EXOC6B: variants seen among roughly 807,000 people sequenced by gnomAD.
EXOC6B encodes the protein SEC15 homolog B.
In EXOC6B, 54 loss-of-function variants were observed where a neutral mutation model predicts 113.5. The observed-to-expected ratio is 0.48, with a 90% CI of 0.38 to 0.60. EXOC6B has a LOEUF of 0.60. Ranked by LOEUF, EXOC6B falls within the 20% of genes least tolerant of loss-of-function variation. The pLI is 0.00. For missense variants in EXOC6B, 797 were observed against 977.5 expected, an observed-to-expected ratio of 0.82 and a Z score of 2.46; for synonymous variants, 357 against 339.0, an observed-to-expected ratio of 1.05 and a Z score of -0.58.
intron 1 of EXOC6B, among the ~76,000 whole-genome samples, chr2:72,742,979 C>T (rs181783121): frequency 7.3e-4 from 111 of 152,222 alleles, no homozygotes; most frequent in African/African-American, 2.6e-3. Flanking sequence ...CACTCCCATA[C>T]CTGTTCCTCC....
At chr2:72,581,959 A>C (rs1016052113) in intron 6 of EXOC6B, among the ~76,000 whole-genome samples, 4 of 152,140 alleles carry the variant, frequency 2.6e-5, no homozygotes, top group Non-Finnish European at 4.4e-5. Flanking sequence ...GCTTCTCCCA[A>C]TAAACAAGGG....
In EXOC6B at chr2:72,812,301, T is replaced by A. The variant is rs567648157; in HGVS notation, c.113+13497A>T. Among the ~76,000 whole-genome samples the A allele has an allele frequency of 2.6e-5, 4 of 152,060 alleles. No individual in the cohort carries two copies. The East Asian group carries it at 7.7e-4, about 29-fold the overall frequency. On this transcript the variant is annotated intron_variant, in intron 1 of 21. Transcript: ENST00000272427. ...TTTAAAATCACTTAAAAAAAGAAAA[T>A]GAATTACTTGCAGATAAATCTAACA...
At chr2:72,671,733 A>AAG (rs1053433924) in intron 6 of EXOC6B, among the ~76,000 whole-genome samples, 1 of 146,148 alleles carries the variant, frequency 6.8e-6, no homozygotes, top group African/African-American at 2.6e-5. Context: ...GAAAGGAAGA[A>AAG]AGAGAGAGAG....
chr2:72,740,908 C>T (rs1202363914), intron 2 of EXOC6B, among the ~76,000 whole-genome samples: 1 of 152,160 alleles, frequency 6.6e-6, no homozygotes, highest in East Asian at 1.9e-4. Flanking sequence ...CGAGACCATC[C>T]TGGCTAACAC....
intron 1 of EXOC6B, among the ~76,000 whole-genome samples, chr2:72,754,975 A>G (rs1461543552): frequency 6.6e-6 from 1 of 152,086 alleles, no homozygotes; most frequent in Non-Finnish European, 1.5e-5. Flanking sequence ...ATGAAACAAA[A>G]TCTATTGAAG....
intron 18 of EXOC6B, among the ~76,000 whole-genome samples, chr2:72,390,058 C>T (rs2105107285): frequency 6.6e-6 from 1 of 152,226 alleles, no homozygotes; most frequent in Admixed American, 6.5e-5. Context: ...GCACCCCAGC[C>T]TGGGTGACAG....
At chr2:72,360,093 C>CT (rs796338594) in intron 19 of EXOC6B, among the ~76,000 whole-genome samples, 52 of 146,776 alleles carry the variant, frequency 3.5e-4, no homozygotes, top group East Asian at 1.6e-3. Context: ...GCCTCAGATA[C>CT]TTTTTTTTTT....
chr2:72,614,483 C>T (rs1671269272), intron 6 of EXOC6B, among the ~76,000 whole-genome samples: 1 of 152,056 alleles, frequency 6.6e-6, no homozygotes, highest in East Asian at 1.9e-4. Context: ...AATCAGTGGT[C>T]CCCACCTCCC....
chr2:72,786,067 T>A (rs1051819692), intron 1 of EXOC6B, among the ~76,000 whole-genome samples: 3 of 151,780 alleles, frequency 2.0e-5, no homozygotes, highest in Non-Finnish European at 4.4e-5. Flanking sequence ...TCACTAAAAA[T>A]AAAATAAAAT....
chr2:72,548,736 A>T (rs1573370726), intron 8 of EXOC6B, among the ~76,000 whole-genome samples: 1 of 152,222 alleles, frequency 6.6e-6, no homozygotes, highest in Admixed American at 6.5e-5. Context: ...GTGAATAAAT[A>T]TAATACCTGC....
chr2:72,191,114 T>C (rs1021422474), intron 20 of EXOC6B, among the ~76,000 whole-genome samples: 2 of 152,212 alleles, frequency 1.3e-5, no homozygotes, highest in African/African-American at 4.8e-5. Context: ...GTAAATTATG[T>C]GATTACTGGT....
intron 8 of EXOC6B, among the ~76,000 whole-genome samples, chr2:72,536,835 A>G (rs1702317056): frequency 6.6e-6 from 1 of 152,172 alleles, no homozygotes; most frequent in Non-Finnish European, 1.5e-5. Context: ...TCCTATTAAC[A>G]CTATTATTTG....
chr2:72,481,776 A>G (rs1699114457), intron 16 of EXOC6B, among the ~76,000 whole-genome samples: 1 of 152,132 alleles, frequency 6.6e-6, no homozygotes, highest in Non-Finnish European at 1.5e-5. Context: ...TGTCAACACT[A>G]TTTCCCTTTT....
chr2:72,794,628 T>C (rs1684847176), intron 1 of EXOC6B, among the ~76,000 whole-genome samples: 1 of 152,190 alleles, frequency 6.6e-6, no homozygotes, highest in African/African-American at 2.4e-5. Flanking sequence ...ATTTGATAAA[T>C]GACCAAAGAA....
intron 20 of EXOC6B, among the ~76,000 whole-genome samples, chr2:72,314,224 T>C (rs1687375381): frequency 6.6e-6 from 1 of 152,194 alleles, no homozygotes; most frequent in Middle Eastern, 3.2e-3. Flanking sequence ...CTGACACTTA[T>C]TATCCTGGGT....
At chr2:72,200,966 C>T (rs1030464410) in intron 20 of EXOC6B, among the ~76,000 whole-genome samples, 1 of 152,026 alleles carries the variant, frequency 6.6e-6, no homozygotes, top group Non-Finnish European at 1.5e-5. Context: ...ATCCCCCTGC[C>T]TTCTCTCCAT....
chr2:72,441,474 A>T (rs1696196261), intron 18 of EXOC6B, among the ~76,000 whole-genome samples: 1 of 152,126 alleles, frequency 6.6e-6, no homozygotes, highest in African/African-American at 2.4e-5. Context: ...TGAAAAAAAA[A>T]TACAATAGAT....
At chr2:72,604,481 AT>A (rs1670627455) in intron 6 of EXOC6B, among the ~76,000 whole-genome samples, 2 of 152,230 alleles carry the variant, frequency 1.3e-5, no homozygotes, top group African/African-American at 4.8e-5. Flanking sequence ...GGATTATTTT[AT>A]TTAAATTCAA....
At chr2:72,410,526 G>C (rs935574246) in intron 18 of EXOC6B, among the ~76,000 whole-genome samples, 1 of 152,126 alleles carries the variant, frequency 6.6e-6, no homozygotes, top group Non-Finnish European at 1.5e-5. Context: ...ATTTTATCAG[G>C]TGAAAGTCAA....
Sources: gnomAD v4.1 joint callset for allele counts (sites outside exome capture counted in the v4.1 genomes callset) on GRCh38, gnomAD v4.1.1 for gene constraint, MANE v1.5 for transcripts, NCBI Gene and HGNC (gene_info 2026-07-23, HGNC 2026-07-21) for gene names.